Variants in COL4A1 observed in about 807,000 individuals in gnomAD.
COL4A1 encodes collagen alpha-1(IV) chain.
A neutral mutation model predicts 216.6 loss-of-function variants in COL4A1; 40 were observed. The ratio of observed to expected loss-of-function variants is 0.18; its 90% CI spans 0.14 to 0.24. The LOEUF is 0.24. Among genes scored for constraint, COL4A1 ranks in the 10% least tolerant of loss-of-function variants. The probability of loss-of-function intolerance (pLI) is 1.00; values close to 1 mark genes in which losing one functional copy is unlikely to be tolerated. For missense variants in COL4A1, 1,628 were observed against 2,196.8 expected (o/e 0.74, Z 5.18); for synonymous variants, 839 against 810.7 (o/e 1.03, Z -0.59).
chr13:110,230,738 C>A (rs1415172771), intron 2 of COL4A1, among the ~76,000 whole-genome samples: 9 of 152,242 alleles, frequency 5.9e-5, no homozygotes, highest in Non-Finnish European at 8.8e-5. Flanking sequence ...GAAGTCCCCC[C>A]GTGGTATGTT....
chr13:110,262,681 G>C (rs1882876612), intron 1 of COL4A1, among the ~76,000 whole-genome samples: 1 of 152,158 alleles, frequency 6.6e-6, no homozygotes, highest in Non-Finnish European at 1.5e-5. Context: ...CAATGGGAAG[G>C]AAAGTGAAAC....
Position 110,211,733 on chromosome 13 carries a change from T to C in COL4A1, c.442-60A>G, listed in dbSNP as rs1348589022. The C allele has an allele frequency of 1.3e-6, 2 of 1,528,112 alleles. No individual in the cohort carries two copies. The highest frequency in any genetic ancestry group is 2.8e-5 in the African/African-American group (2 of 72,486). The allele number at this position is 1,528,112 out of a possible 1,614,324, so 94.7% of individuals were successfully genotyped here. A position where few individuals can be genotyped will look rare whatever the true frequency, so the allele number is the denominator to read the frequency against. On this transcript the variant is annotated intron_variant, in intron 7 of 51. Coordinates refer to ENST00000375820, the MANE Select transcript of COL4A1 (RefSeq NM_001845.6). The surrounding 1 kb of genome is among the most constrained non-coding windows in gnomAD (Gnocchi z 4.3). ...TCTCAAAATATCATTAGCATTAAAA[T>C]TGTTATCATGTAATATTATATATAA...
chr13:110,174,082 C>T lies in COL4A1; in HGVS notation c.3407-84G>A, dbSNP rs558891392. The T allele has an allele frequency of 2.1e-3, 3,057 of 1,442,564 alleles. 15 individuals carry two copies. The highest frequency in any genetic ancestry group is 5.0e-3 in the South Asian group (425 of 84,968). The allele number at this position is 1,442,564 out of a possible 1,614,324, so 89.4% of individuals were successfully genotyped here. A position where few individuals can be genotyped will look rare whatever the true frequency, so the allele number is the denominator to read the frequency against. ...ATACAAAATGGCCCTTTGCTGACAT[C>T]CTTTAAGGGAGCTGTTCCCTCCCAA... is the stretch of plus-strand genomic sequence containing the variant. On this transcript the variant is annotated intron_variant, in intron 39 of 51. Coordinates refer to ENST00000375820, the MANE Select transcript of COL4A1 (RefSeq NM_001845.6).
At chr13:110,174,097 T>G in intron 39 of COL4A1, 99 bp from the exon 40 acceptor site, 1 of 1,310,662 alleles carries the variant, frequency 7.6e-7, no homozygotes, top group Non-Finnish European at 1.1e-6. Flanking sequence ...AAGGGAGCTG[T>G]TCCCTCCCAA....
chr13:110,228,237 C>T (rs181746002), intron 2 of COL4A1, among the ~76,000 whole-genome samples: 2 of 118,998 alleles, frequency 1.7e-5, no homozygotes, highest in African/African-American at 4.0e-5. Flanking sequence ...GGTGCGGGGG[C>T]GGGGGGGGGG....
In COL4A1 at chr13:110,206,671, T is replaced by C. The variant is rs1440967031; in HGVS notation, c.852A>G (p.Gly284=). Residue 284 remains glycine, a synonymous_variant, in exon 15 of 52, where the codon GGA becomes GGG. Coordinates refer to ENST00000375820, the MANE Select transcript of COL4A1 (RefSeq NM_001845.6). ...VGEKGEPGKP[G]PRGKPGKDGD... ...GACTTTGGAAAGCACTTACTCTGGG[T>C]CCTGGTTTTCCGGGTTCACCTTTCT... 45 of 1,614,082 alleles carry C rather than the reference T, an allele frequency of 2.8e-5. No individual in the cohort carries two copies. Among genetic ancestry groups the C allele is most frequent in the Non-Finnish European group, 3.6e-5 (43 of 1,180,016 alleles).
rs144950610 is a variant in COL4A1, at chr13:110,187,321, T to C, written c.1545A>G (p.Gln515=). The change falls in exon 25 of 52, where the codon CAA becomes CAG. Residue 515 remains glutamine, a synonymous_variant. Coordinates refer to ENST00000375820, the MANE Select transcript of COL4A1 (RefSeq NM_001845.6). ...RDGVAGVPGP[Q]GTPGLIGQPG... ...GCTGGCCTATCAGCCCTGGTGTACC[T>C]TGAGGGCCCTGTAAGAACAAAGCCT... 1 of 1,612,248 alleles carries C rather than the reference T, an allele frequency of 6.2e-7. No individual in the cohort carries two copies. Among genetic ancestry groups the C allele is most frequent in the Admixed American group, 1.7e-5 (1 of 60,020 alleles).
Position 110,205,513 on chromosome 13 carries a change from T to C in COL4A1, c.884A>G (p.Lys295Arg). 6.2e-7 allele frequency: 1 copy of C among 1,613,984 alleles called. No individual in the cohort carries two copies. Among genetic ancestry groups the C allele is most frequent in the Admixed American group, 1.7e-5 (1 of 60,012 alleles). Reference sequence around the variant, plus strand: ...ACTTACGGGACTCCCTTTTTCCCCTTTGTCACCATCTTTTCCGGGTTTGCC... The same window carrying C: ...ACTTACGGGACTCCCTTTTTCCCCTCTGTCACCATCTTTTCCGGGTTTGCC... ...PRGKPGKDGD[K>R]GEKGSPGFPG... Residue 295 changes from lysine to arginine, a missense_variant, in exon 16 of 52, where the codon AAA (lysine) becomes AGA (arginine). Around this residue, in one of 8 missense-constraint regions of COL4A1, gnomAD observed 701 missense variants for 892.5 expected, o/e 0.79. Transcript: ENST00000375820.
In COL4A1 at chr13:110,177,288, A is replaced by G. The variant is rs182381603; in HGVS notation, c.2717-251T>C. On this transcript the variant is annotated intron_variant, in intron 33 of 51. Transcript: ENST00000375820. ...CTCTACTGCATGTGACTTGGCTTTC[A>G]GGTTTAGATAACTTACATTTCTCTC... Among the ~76,000 whole-genome samples, 4 of 152,338 alleles carry G rather than the reference A, an allele frequency of 2.6e-5. No individual in the cohort carries two copies. The East Asian group carries it at 7.7e-4, about 29-fold the overall frequency.
In COL4A1 at chr13:110,176,295, G is replaced by T. The variant is rs1594550127; in HGVS notation, c.3058+129C>A. 4.6e-5 allele frequency: 34 copies of T among 734,704 alleles called. No homozygotes were observed. In the South Asian group the frequency reaches 4.7e-4, roughly 10 times the overall value. The allele number at this position is 734,704 out of a possible 1,614,324, so 45.5% of individuals were successfully genotyped here. On this transcript the variant is annotated intron_variant, in intron 36 of 51. Coordinates refer to ENST00000375820, the MANE Select transcript of COL4A1 (RefSeq NM_001845.6). ...GGAGACCATTCAGAGCTGGGGATGT[G>T]AATTCATGTGAAAGACACACGTGCC...
At chr13:110,261,246 G>C (rs925318554) in intron 1 of COL4A1, among the ~76,000 whole-genome samples, 1 of 152,120 alleles carries the variant, frequency 6.6e-6, no homozygotes, top group African/African-American at 2.4e-5. Context: ...CCGCCCTGGC[G>C]CAGGAAGCCC....
Position 110,182,997 on chromosome 13 carries a change from G to A in COL4A1, c.2091C>T (p.Pro697=). 2 of 1,612,106 alleles carry A rather than the reference G, an allele frequency of 1.2e-6. No individual in the cohort carries two copies. The highest frequency in any genetic ancestry group is 8.5e-7 in the Non-Finnish European group (1 of 1,179,494). The change falls in exon 28 of 52, where the codon CCC becomes CCT. Residue 697 remains proline (P), a synonymous_variant. Coordinates refer to ENST00000375820, the MANE Select transcript of COL4A1 (RefSeq NM_001845.6). ...PGIGFPGPPG[P]KGVDGLPGDM... ...GGGTCCGTCTGGCAGGGTTACCTTT[G>A]GGGCCGGGGGGCCCTGGAAATCCAA... is the stretch of plus-strand genomic sequence containing the variant.
chr13:110,208,992 C>A (rs1255385947), intron 11 of COL4A1, 102 bp from the exon 12 acceptor site: 6 of 1,200,738 alleles, frequency 5.0e-6, no homozygotes, highest in African/African-American at 3.0e-5. Context: ...AGATTTCAGG[C>A]AATAGCTTTG....
intron 2 of COL4A1, among the ~76,000 whole-genome samples, chr13:110,235,424 G>C (rs1206944506): frequency 6.6e-6 from 1 of 152,208 alleles, no homozygotes; most frequent in East Asian, 1.9e-4. Flanking sequence ...GCTGAGGCGG[G>C]CGGATCACAA....
In COL4A1 at chr13:110,161,323, C is replaced by A; in HGVS notation, c.4509G>T (p.Leu1503=). The A allele has an allele frequency of 1.2e-6, 2 of 1,614,114 alleles. No individual in the cohort carries two copies. Among genetic ancestry groups the A allele is most frequent in the Non-Finnish European group, 1.7e-6 (2 of 1,179,990 alleles). The part of the protein sequence containing the change: ...CLRKFSTMPF[L]FCNINNVCNF... Reference sequence around the variant, plus strand: ...TGCACACGTTGTTAATATTGCAGAACAGGAAGGGCATTGTGCTGAACTTGC... The same window carrying A: ...TGCACACGTTGTTAATATTGCAGAAAAGGAAGGGCATTGTGCTGAACTTGC... Residue 1503 remains leucine (L), a synonymous_variant, in exon 49 of 52, where the codon CTG becomes CTT. Transcript: ENST00000375820.
intron 25 of COL4A1, among the ~76,000 whole-genome samples, 157 bp from the exon 26 acceptor site, chr13:110,186,710 G>A (rs1484965122): frequency 6.6e-6 from 1 of 152,198 alleles, no homozygotes; most frequent in Admixed American, 6.5e-5. Flanking sequence ...CCACCTTGTA[G>A]TTAATAAGTG....
chr13:110,158,914 T>G (rs1285935460), intron 49 of COL4A1, among the ~76,000 whole-genome samples: 1 of 152,120 alleles, frequency 6.6e-6, no homozygotes, highest in African/African-American at 2.4e-5. Flanking sequence ...AGCTAATTTT[T>G]GTATTTTTAG....
intron 1 of COL4A1, among the ~76,000 whole-genome samples, chr13:110,285,288 C>A (rs1231175362): frequency 6.6e-6 from 1 of 152,188 alleles, no homozygotes; most frequent in Admixed American, 6.5e-5. Context: ...TGGGCTCTTA[C>A]GTGTGCTGCG....
chr13:110,233,572 A>G (rs1881166901), intron 2 of COL4A1, among the ~76,000 whole-genome samples: 2 of 152,174 alleles, frequency 1.3e-5, no homozygotes, highest in African/African-American at 4.8e-5. Context: ...GGACGTTGGT[A>G]AGTACACGCA....
Sources: allele counts gnomAD v4.1 joint callset (sites outside exome capture counted in the v4.1 genomes callset), GRCh38; gene constraint gnomAD v4.1.1; regional missense constraint gnomAD v4.1.1; non-coding constraint Gnocchi (gnomAD v3.1); transcripts MANE v1.5; gene names NCBI Gene and HGNC (gene_info 2026-07-23, HGNC 2026-07-21).